Variants in ERO1B observed in about 807,000 individuals in gnomAD.
ERO1B encodes the protein ERO1-like protein beta.
Under a neutral mutation model 75.3 loss-of-function variants are expected in ERO1B, and 49 were observed. The ratio of observed to expected loss-of-function variants is 0.65; its 90% confidence interval spans 0.52 to 0.83. The LOEUF is 0.83. Ranked by LOEUF, ERO1B falls within the 40% of genes least tolerant of loss-of-function variation. The probability of loss-of-function intolerance (pLI) is 0.00; values close to 1 mark genes in which losing one functional copy is unlikely to be tolerated. For missense variants in ERO1B, 512 were observed against 560.1 expected (o/e 0.91, Z 0.87); for synonymous variants, 191 against 192.9 (o/e 0.99, Z 0.08).
At chr1:236,243,924 C>T (rs1256363319) in intron 5 of ERO1B, among the ~76,000 whole-genome samples, 1 of 152,052 alleles carries the variant, frequency 6.6e-6, no homozygotes, top group East Asian at 1.9e-4. Flanking sequence ...ATCTAAAATA[C>T]CAATAACTGT....
In ERO1B at chr1:236,217,473, C is replaced by A. The variant is rs139827927; in HGVS notation, c.*1043G>T. On this transcript the variant is annotated 3_prime_UTR_variant, in exon 16 of 16. Coordinates refer to ENST00000354619, the MANE Select transcript of ERO1B (RefSeq NM_019891.4). The stretch of plus-strand genomic sequence containing the variant: ...CTTAAAGGAGGGTTGACCTAATCTA[C>A]CTTTTTATATATCCTGTCAGGGAAA... 1 of 152,546 alleles carries A rather than the reference C, an allele frequency of 6.6e-6. No individual in the cohort carries two copies. The highest frequency in any genetic ancestry group is 1.5e-5 in the Non-Finnish European group (1 of 67,962). 9.4% of individuals were successfully genotyped at this position (152,546 alleles called of 1,614,324 possible). A position where few individuals can be genotyped will look rare whatever the true frequency, so the allele number is the denominator to read the frequency against.
chr1:236,238,636 G>T (rs1002205102), intron 6 of ERO1B, among the ~76,000 whole-genome samples: 1 of 149,946 alleles, frequency 6.7e-6, no homozygotes, highest in Admixed American at 6.7e-5. Context: ...TCCATAAGCT[G>T]CTCTTGAATA....
At chr1:236,250,601 A>ATATATATATATATATATATATATATAT (rs1558515525) in intron 4 of ERO1B, among the ~76,000 whole-genome samples, 1 of 63,948 alleles carries the variant, frequency 1.6e-5, no homozygotes, top group African/African-American at 5.6e-5. Flanking sequence ...ATATATATAT[A>ATATATATATATATATATATATATATAT]TATATATATA....
rs368955628 is a variant in ERO1B, at chr1:236,268,514, T to C, written c.222+1361A>G. Among the ~76,000 whole-genome samples the C allele has an allele frequency of 1.1e-4, 17 of 152,228 alleles. No individual in the cohort carries two copies. In the East Asian group the frequency reaches 1.2e-3, roughly 10 times the overall value. On this transcript the variant is annotated intron_variant, in intron 2 of 15. Coordinates refer to ENST00000354619, the MANE Select transcript of ERO1B (RefSeq NM_019891.4). The stretch of plus-strand genomic sequence containing the variant: ...AAAGACACATGGATAGATAGATAGA[T>C]TGATCAATCGATAGATCACTTGAAG...
chr1:236,220,210 A>C (rs1664105212), intron 15 of ERO1B: 1 of 151,086 alleles, frequency 6.6e-6, no homozygotes, highest in African/African-American at 2.4e-5. Context: ...TTTTTCCCCA[A>C]GGAAGCATAG....
chr1:236,239,877 A>ATATGTATATATATGTGTATGTG (rs1572042468), intron 6 of ERO1B, among the ~76,000 whole-genome samples: 2 of 96,028 alleles, frequency 2.1e-5, no homozygotes, highest in Non-Finnish European at 4.1e-5. Context: ...ATATGTGTAT[A>ATATGTATATATATGTGTATGTG]TGTGTGTGTG....
chr1:236,269,890 A>G lies in ERO1B; in HGVS notation c.207T>C (p.Tyr69=). ...ACAACCTTACCTTGTAATAACGAAA[A>G]TAGTCTCTCTCTTGCAATTTTTTTA... ...PKIKKLQERD[Y]FRYYKVNLKR... Residue 69 remains tyrosine, a synonymous_variant, in exon 2 of 16, where the codon TAT becomes TAC. Transcript: ENST00000354619. 6.3e-7 allele frequency: 1 copy of G among 1,588,126 alleles called. No homozygotes were observed. The highest frequency in any genetic ancestry group is 1.1e-5 in the South Asian group (1 of 90,444).
At chr1:236,233,630 A>G (rs1447272460) in intron 8 of ERO1B, among the ~76,000 whole-genome samples, 1 of 151,608 alleles carries the variant, frequency 6.6e-6, no homozygotes, top group Admixed American at 6.6e-5. Flanking sequence ...CACATTTTAA[A>G]ATACAATAAC....
intron 2 of ERO1B, among the ~76,000 whole-genome samples, chr1:236,265,079 C>G (rs1455315273): frequency 6.7e-6 from 1 of 148,568 alleles, no homozygotes; most frequent in Non-Finnish European, 1.5e-5. Flanking sequence ...AGCCATCACA[C>G]TGGATAGTTG....
chr1:236,240,383 G>A (rs913045527), intron 6 of ERO1B, among the ~76,000 whole-genome samples: 4 of 151,708 alleles, frequency 2.6e-5, no homozygotes, highest in African/African-American at 7.3e-5. Context: ...TCTTTGCTAC[G>A]GTCACAGATA....
At chr1:236,278,413 C>G (rs527330333) in intron 1 of ERO1B, among the ~76,000 whole-genome samples, 1 of 151,726 alleles carries the variant, frequency 6.6e-6, no homozygotes, top group Non-Finnish European at 1.5e-5. Context: ...TAAGGGTAAA[C>G]GAGAAATGAA....
chr1:236,258,287 A>C (rs563098733), intron 2 of ERO1B, among the ~76,000 whole-genome samples: 1 of 152,268 alleles, frequency 6.6e-6, no homozygotes, highest in African/African-American at 2.4e-5. Context: ...GAAAGCTGCA[A>C]GGGAAAAGTG....
In ERO1B at chr1:236,216,953, CCACCA is replaced by C. The variant is rs1293909389; in HGVS notation, c.*1558_*1562del. ...TTAAACAACTTAACAAAAAATACTA[CCACCA>C]TCAACAACAAAACCCCAAGTTTATA... On this transcript the variant is annotated 3_prime_UTR_variant, in exon 16 of 16. Transcript: ENST00000354619. 6.6e-6 allele frequency: 1 copy of C among 151,594 alleles called. No homozygotes were observed. Among genetic ancestry groups the C allele is most frequent in the East Asian group, 1.9e-4 (1 of 5,178 alleles). The allele number at this position is 151,594 out of a possible 1,614,324, so 9.4% of individuals were successfully genotyped here.
At chr1:236,280,847 A>G (rs1665814649) in intron 1 of ERO1B, among the ~76,000 whole-genome samples, 1 of 152,138 alleles carries the variant, frequency 6.6e-6, no homozygotes, top group African/African-American at 2.4e-5. Context: ...GGTGCAGACA[A>G]CAAGCAGCAG....
intron 15 of ERO1B, among the ~76,000 whole-genome samples, chr1:236,219,240 T>C (rs1300580486): frequency 6.6e-6 from 1 of 152,182 alleles, no homozygotes; most frequent in Non-Finnish European, 1.5e-5. Context: ...CCATCACATA[T>C]ATGATCTCAT....
At position 236,239,175 on chromosome 1, in the gene ERO1B, A is replaced by T. The variant is rs182030357; in HGVS notation, c.506-2777T>A. Among the ~76,000 whole-genome samples, 87 of 152,286 alleles carry T rather than the reference A, an allele frequency of 5.7e-4. 1 individual carries two copies. Among genetic ancestry groups the T allele is most frequent in the South Asian group, 4.1e-3 (20 of 4,828 alleles). On this transcript the variant is annotated intron_variant, in intron 6 of 15. Coordinates refer to ENST00000354619, the MANE Select transcript of ERO1B (RefSeq NM_019891.4). ...TCCCTTAGTTTAATCAATACTTTTTAAAAAAATCTTGTAATACTTTTTCAA... is the reference window on the plus strand; with the variant it reads ...TCCCTTAGTTTAATCAATACTTTTTTAAAAAATCTTGTAATACTTTTTCAA...
intron 2 of ERO1B, among the ~76,000 whole-genome samples, chr1:236,261,466 G>A (rs988934000): frequency 3.3e-5 from 5 of 152,116 alleles, no homozygotes; most frequent in African/African-American, 9.7e-5. Flanking sequence ...TGCAGGTTAC[G>A]ATGTCAGCAT....
intron 12 of ERO1B, 145 bp from the exon 13 acceptor site, chr1:236,225,284 C>A: frequency 1.4e-6 from 1 of 728,104 alleles, no homozygotes; most frequent in South Asian, 1.9e-5. Flanking sequence ...AGAAAAGTGA[C>A]AAACAGTTCA....
chr1:236,261,156 T>G (rs1160722004), intron 2 of ERO1B, among the ~76,000 whole-genome samples: 3 of 151,898 alleles, frequency 2.0e-5, no homozygotes, highest in Non-Finnish European at 4.4e-5. Flanking sequence ...ATGGAAAAAA[T>G]GTACCCCAGC....
Sources: gnomAD v4.1 joint callset for allele counts (sites outside exome capture counted in the v4.1 genomes callset) on GRCh38, gnomAD v4.1.1 for gene constraint, MANE v1.5 for transcripts, NCBI Gene and HGNC (gene_info 2026-07-23, HGNC 2026-07-21) for gene names.